Variants in KCNT2 observed in about 807,000 individuals in gnomAD.
KCNT2 encodes potassium channel subfamily T member 2.
A neutral mutation model predicts 153.8 loss-of-function variants in KCNT2; 67 were observed. The ratio of observed to expected loss-of-function variants is 0.44; its 90% CI spans 0.36 to 0.53. KCNT2 has a LOEUF of 0.53. Among genes scored for constraint, KCNT2 ranks in the 20% least tolerant of loss-of-function variants. The pLI is 0.00. For missense variants in KCNT2, 975 were observed against 1,354.8 expected (o/e 0.72, Z 4.40); for synonymous variants, 500 against 458.8 (o/e 1.09, Z -1.15).
At chr1:196,319,882 G>C (rs1028913735) in intron 19 of KCNT2, among the ~76,000 whole-genome samples, 1 of 151,672 alleles carries the variant, frequency 6.6e-6, no homozygotes, top group Non-Finnish European at 1.5e-5. Flanking sequence ...AGTTATCCAT[G>C]CACAGGAGGC....
chr1:196,308,875 T>C (rs1042581085), intron 21 of KCNT2, among the ~76,000 whole-genome samples: 1 of 152,026 alleles, frequency 6.6e-6, no homozygotes, highest in African/African-American at 2.4e-5. Context: ...ATCAACTCTT[T>C]TAAAAATAAC....
At chr1:196,433,720 A>T (rs1025771577) in intron 8 of KCNT2, among the ~76,000 whole-genome samples, 1 of 152,092 alleles carries the variant, frequency 6.6e-6, no homozygotes, top group African/African-American at 2.4e-5. Flanking sequence ...TTCAATGTTT[A>T]CTTTCCAGAA....
At chr1:196,465,621 C>G (rs1056096441) in intron 7 of KCNT2, among the ~76,000 whole-genome samples, 3 of 151,778 alleles carry the variant, frequency 2.0e-5, no homozygotes, top group Admixed American at 2.0e-4. Flanking sequence ...ACTACCAAAG[C>G]ACTAAATTTC....
chr1:196,391,219 A>G (rs1174164582), intron 13 of KCNT2, among the ~76,000 whole-genome samples: 1 of 151,398 alleles, frequency 6.6e-6, no homozygotes, highest in Non-Finnish European at 1.5e-5. Flanking sequence ...GTGACAGGTA[A>G]AGGCAATGAG....
At chr1:196,527,775 C>A (rs984730467) in intron 1 of KCNT2, among the ~76,000 whole-genome samples, 1 of 152,154 alleles carries the variant, frequency 6.6e-6, no homozygotes, top group East Asian at 1.9e-4. Flanking sequence ...CTTGCTGGTG[C>A]ACAAGAAGGA....
chr1:196,580,491 G>A (rs1390041590), intron 1 of KCNT2, among the ~76,000 whole-genome samples: 1 of 152,006 alleles, frequency 6.6e-6, no homozygotes, highest in African/African-American at 2.4e-5. Context: ...CACAGTGCTT[G>A]GTGAAACACT....
chr1:196,373,114 T>C, intron 14 of KCNT2, 26 bp downstream of exon 14: 1 of 1,091,906 alleles, frequency 9.2e-7, no homozygotes. Context: ...ATTTAAAAGG[T>C]TAACTTAAAG....
chr1:196,316,694 C>T (rs566665028), intron 20 of KCNT2, among the ~76,000 whole-genome samples: 8 of 151,634 alleles, frequency 5.3e-5, no homozygotes, highest in Admixed American at 2.0e-4. Flanking sequence ...GTAGGAAACA[C>T]ATACCTGTGA....
intron 26 of KCNT2, among the ~76,000 whole-genome samples, chr1:196,241,060 G>A (rs1396379815): frequency 6.6e-6 from 1 of 151,810 alleles, no homozygotes. Flanking sequence ...GAGAGAGAAA[G>A]GAAGACAGAG....
intron 1 of KCNT2, among the ~76,000 whole-genome samples, chr1:196,549,779 G>A (rs1023491328): frequency 2.0e-5 from 3 of 151,854 alleles, no homozygotes; most frequent in African/African-American, 4.8e-5. Context: ...CTAGCTGAAA[G>A]CAGTTTTCTT....
intron 1 of KCNT2, among the ~76,000 whole-genome samples, chr1:196,582,756 A>T (rs1662216924): frequency 6.6e-6 from 1 of 152,138 alleles, no homozygotes; most frequent in African/African-American, 2.4e-5. Flanking sequence ...GCATCAGGCA[A>T]GGATACAGAT....
intron 5 of KCNT2, among the ~76,000 whole-genome samples, chr1:196,473,077 C>A (rs574288390): frequency 1.3e-5 from 2 of 152,298 alleles, no homozygotes; most frequent in Non-Finnish European, 2.9e-5. Context: ...AAAGTATATT[C>A]ACTGCTTAGA....
intron 1 of KCNT2, among the ~76,000 whole-genome samples, chr1:196,536,281 G>A (rs540150829): frequency 1.4e-4 from 21 of 152,326 alleles, no homozygotes; most frequent in South Asian, 8.3e-4. Flanking sequence ...CACATGGGCC[G>A]GTGACCAAGT....
intron 12 of KCNT2, among the ~76,000 whole-genome samples, chr1:196,416,182 A>T (rs574434981): frequency 6.6e-6 from 1 of 151,902 alleles, no homozygotes; most frequent in African/African-American, 2.4e-5. Context: ...CTCTTGAAGT[A>T]TTGCAGTGCT....
At chr1:196,385,917 A>G (rs1020052988) in intron 13 of KCNT2, among the ~76,000 whole-genome samples, 2 of 152,074 alleles carry the variant, frequency 1.3e-5, no homozygotes, top group Middle Eastern at 3.4e-3. Context: ...GTTCCCTCCT[A>G]CATAGCAGAA....
intron 8 of KCNT2, among the ~76,000 whole-genome samples, chr1:196,441,456 A>T (rs1675221317): frequency 1.3e-5 from 2 of 150,540 alleles, no homozygotes; most frequent in Admixed American, 1.3e-4. Context: ...TCTTTCACCT[A>T]ATGAAAGAAG....
chr1:196,430,248 TG>T (rs1251009323), intron 8 of KCNT2, among the ~76,000 whole-genome samples: 2 of 152,032 alleles, frequency 1.3e-5, no homozygotes, highest in African/African-American at 4.8e-5. Context: ...CCAAAACTCA[TG>T]TTAAAATTTA....
At chr1:196,550,269 G>GA (rs1392520592) in intron 1 of KCNT2, among the ~76,000 whole-genome samples, 5 of 150,938 alleles carry the variant, frequency 3.3e-5, no homozygotes, top group African/African-American at 9.7e-5. Context: ...ATGAGTGAGA[G>GA]AAAAAAAAAT....
rs1170642972 is a variant in KCNT2 at position 196,494,344 on chromosome 1, G to T, written c.96-2003C>A. Among the ~76,000 whole-genome samples, 5 of 152,272 alleles carry T rather than the reference G, an allele frequency of 3.3e-5. No homozygotes were observed. The East Asian group carries it at 9.6e-4, about 29-fold the overall frequency. The stretch of plus-strand genomic sequence containing the variant: ...CTAGAATTACCAAATTTATAAGAAT[G>T]AGTCCATTTTTCAGATAATATTGGA... On this transcript the variant is annotated intron_variant, in intron 1 of 27. Transcript: ENST00000294725.
Sources: allele counts gnomAD v4.1 joint callset (sites outside exome capture counted in the v4.1 genomes callset), GRCh38; gene constraint gnomAD v4.1.1; transcripts MANE v1.5; gene names NCBI Gene and HGNC (gene_info 2026-07-23, HGNC 2026-07-21).